PDZRN3: variants seen among roughly 807,000 people sequenced by gnomAD.
PDZRN3 encodes the protein PDZ domain containing ring finger 3.
In PDZRN3, 38 loss-of-function variants were observed where a neutral mutation model predicts 85.7. The ratio of observed to expected loss-of-function variants is 0.44; its 90% CI spans 0.34 to 0.58. The LOEUF (loss-of-function observed/expected upper bound fraction) is 0.58. Among genes scored for constraint, PDZRN3 ranks in the 20% least tolerant of loss-of-function variants. PDZRN3 has a pLI of 0.01. For missense variants in PDZRN3, 1,629 were observed against 1,506.4 expected (o/e 1.08, Z -1.35); for synonymous variants, 759 against 638.0 (o/e 1.19, Z -2.86).
At chr3:73,570,611 A>T (rs4234177) in intron 3 of PDZRN3, among the ~76,000 whole-genome samples, 133,645 of 152,160 alleles carry the variant, frequency 0.88, 58,699 homozygotes, top group African/African-American at 0.89. Context: ...ATTGCTCCAA[A>T]TGACCGGCTG....
chr3:73,480,087 C>T (rs1280991666), intron 3 of PDZRN3, among the ~76,000 whole-genome samples: 1 of 152,144 alleles, frequency 6.6e-6, no homozygotes, highest in Non-Finnish European at 1.5e-5. Flanking sequence ...AGGCCAGGGT[C>T]TAACTATTAA....
chr3:73,464,392 G>A (rs955440321), intron 3 of PDZRN3, among the ~76,000 whole-genome samples: 1 of 152,106 alleles, frequency 6.6e-6, no homozygotes, highest in African/African-American at 2.4e-5. Context: ...TATTGGTATA[G>A]AAAGTGCACA....
At chr3:73,409,557 A>G (rs1701923635) in intron 3 of PDZRN3, among the ~76,000 whole-genome samples, 1 of 152,206 alleles carries the variant, frequency 6.6e-6, no homozygotes, top group Non-Finnish European at 1.5e-5. Context: ...ATGAAGCTAC[A>G]ACACATGGGA....
Position 73,383,931 on chromosome 3 carries a change from G to A in PDZRN3, c.2635C>T (p.His879Tyr), listed in dbSNP as rs1371525920. The A allele has an allele frequency of 6.2e-7, 1 of 1,608,286 alleles. No individual in the cohort carries two copies. Among genetic ancestry groups the A allele is most frequent in the South Asian group, 1.1e-5 (1 of 90,240 alleles). Residue 879 changes from histidine to tyrosine, a missense_variant, in exon 10 of 10, where the codon CAC becomes TAC. His to Tyr is a moderately conservative substitution (Grantham distance 83). Coordinates refer to ENST00000263666, the MANE Select transcript of PDZRN3 (RefSeq NM_015009.3). The stretch of plus-strand genomic sequence containing the variant: ...ATCAGCTGCATGTAGCTCTGGTAGT[G>A]CTGGGCGTGCGCCGGGATGTGCGCG... ...KHAHIPAHAQ[H>Y]YQSYMQLIQQ...
rs1703293784 is a variant in PDZRN3, at chr3:73,383,376, T to G, written c.3190A>C (p.Thr1064Pro). 6.2e-7 allele frequency: 1 copy of G among 1,607,342 alleles called. No homozygotes were observed. ...TRVYNSFLSV[T>P]TV ...TGCAGAAGTGAAAATTATACAGTAG[T>G]CACCGATAGGAAGGAATTGTATACT... Residue 1064 changes from threonine to proline, a missense_variant, in exon 10 of 10, where the codon ACT becomes CCT. Physicochemically the swap from Thr to Pro is conservative, Grantham distance 38 (BLOSUM62 -1). Transcript: ENST00000263666.
At chr3:73,620,768 G>A (rs139989368) in intron 1 of PDZRN3, among the ~76,000 whole-genome samples, 6,896 of 152,120 alleles carry the variant, frequency 0.045, 502 homozygotes, top group African/African-American at 0.15. Context: ...AGTAGAGACG[G>A]GGTTTCACCG....
At chr3:73,547,503 G>A (rs942667520) in intron 3 of PDZRN3, among the ~76,000 whole-genome samples, 5 of 152,210 alleles carry the variant, frequency 3.3e-5, no homozygotes, top group South Asian at 2.1e-4. Flanking sequence ...GCCTGCAAGC[G>A]GGTAGATGAG....
intron 3 of PDZRN3, among the ~76,000 whole-genome samples, chr3:73,575,803 T>C (rs1209433876): frequency 2.0e-5 from 3 of 152,226 alleles, no homozygotes; most frequent in African/African-American, 4.8e-5. Flanking sequence ...CCAAATTAAC[T>C]GATCCCTGAG....
chr3:73,594,340 T>C (rs1559751834), intron 3 of PDZRN3, among the ~76,000 whole-genome samples: 1 of 151,788 alleles, frequency 6.6e-6, no homozygotes, highest in South Asian at 2.1e-4. Context: ...CTGATATACA[T>C]AAACAAGAAG....
At position 73,566,128 on chromosome 3, in the gene PDZRN3, T is replaced by C. The variant is rs193269707; in HGVS notation, c.918+36226A>G. On this transcript the variant is annotated intron_variant, in intron 3 of 9. Transcript: ENST00000263666. ...TGATCATTGTTTGACAATTTTAAATTATATTTTAAATTTTTGTTGTAAGAG... is the reference window on the plus strand; with the variant it reads ...TGATCATTGTTTGACAATTTTAAATCATATTTTAAATTTTTGTTGTAAGAG... 2.0e-3 allele frequency among the ~76,000 whole-genome samples: 304 copies of C among 152,288 alleles called. 2 individuals are homozygous for C. The highest frequency in any genetic ancestry group is 7.0e-3 in the African/African-American group (291 of 41,550).
At chr3:73,594,065 A>G (rs1341008593) in intron 3 of PDZRN3, 1 of 152,186 alleles carries the variant, frequency 6.6e-6, no homozygotes, top group East Asian at 1.9e-4. Flanking sequence ...GATGTATGTT[A>G]GAAAGATATT....
intron 3 of PDZRN3, among the ~76,000 whole-genome samples, chr3:73,410,347 ATTAACGTGTTTCTGAGGAAAGTACGTC>A (rs1396239242): frequency 1.8e-4 from 28 of 152,234 alleles, no homozygotes; most frequent in African/African-American, 6.5e-4. Context: ...TGGTGTTCAA[ATTAACGTGTTTCTGAGGAAAGTACGTC>A]TACTTCAGAG....
intron 3 of PDZRN3, among the ~76,000 whole-genome samples, chr3:73,551,688 CAAAA>C (rs71126878): frequency 2.3e-4 from 24 of 104,558 alleles, no homozygotes; most frequent in Admixed American, 3.0e-4. Flanking sequence ...GACCCTGTTT[CAAAA>C]AAAAAAAAAA....
intron 3 of PDZRN3, among the ~76,000 whole-genome samples, chr3:73,500,019 T>A (rs1703946376): frequency 6.6e-6 from 1 of 152,138 alleles, no homozygotes; most frequent in African/African-American, 2.4e-5. Context: ...GAAAACCCCA[T>A]CACCACAGGA....
At position 73,418,020 on chromosome 3, in the gene PDZRN3, T is replaced by C. The variant is rs559628338; in HGVS notation, c.919-13625A>G. Among the ~76,000 whole-genome samples, 3 of 152,338 alleles carry C rather than the reference T, an allele frequency of 2.0e-5. No homozygotes were observed. The East Asian group carries it at 5.8e-4, about 29-fold the overall frequency. ...AAAAGTAAACTTAAGTGTGTACTTC[T>C]TTCTCAAAGATTTATAAATGTGATT... is the stretch of plus-strand genomic sequence containing the variant. On this transcript the variant is annotated intron_variant, in intron 3 of 9. Transcript: ENST00000263666.
intron 3 of PDZRN3, among the ~76,000 whole-genome samples, chr3:73,496,601 T>A (rs1304511509): frequency 1.3e-5 from 2 of 152,090 alleles, no homozygotes; most frequent in East Asian, 1.9e-4. Flanking sequence ...ACTACAATGC[T>A]AATATCACAT....
chr3:73,552,881 G>T (rs1031100711), intron 3 of PDZRN3, among the ~76,000 whole-genome samples: 3 of 152,216 alleles, frequency 2.0e-5, no homozygotes, highest in African/African-American at 7.2e-5. Flanking sequence ...TGCTCAGTGT[G>T]ATGACTCATC....
chr3:73,608,898 C>T (rs1388956302), intron 1 of PDZRN3, among the ~76,000 whole-genome samples: 2 of 152,218 alleles, frequency 1.3e-5, no homozygotes, highest in East Asian at 1.9e-4. Flanking sequence ...ACCATCTAAC[C>T]CTGGAATGAC....
At chr3:73,389,750 C>G in intron 7 of PDZRN3, 66 bp downstream of exon 7, 1 of 1,159,840 alleles carries the variant, frequency 8.6e-7, no homozygotes, top group Non-Finnish European at 1.3e-6. Context: ...CTAGACCTAT[C>G]ATTAGAACCA....
Sources: gnomAD v4.1 joint callset for allele counts (sites outside exome capture counted in the v4.1 genomes callset) on GRCh38, gnomAD v4.1.1 for gene constraint, MANE v1.5 for transcripts, NCBI Gene and HGNC (gene_info 2026-07-23, HGNC 2026-07-21) for gene names.